Variants in GRIP1 observed in about 807,000 individuals in gnomAD.
The protein encoded by GRIP1 is glutamate receptor interacting protein 1.
GRIP1 carries 45 observed loss-of-function variants against 129.9 expected under a neutral mutation model. The ratio of observed to expected loss-of-function variants is 0.35; its 90% confidence interval spans 0.27 to 0.44. The LOEUF (loss-of-function observed/expected upper bound fraction) is 0.44. Among genes scored for constraint, GRIP1 ranks in the 20% least tolerant of loss-of-function variants. GRIP1 has a pLI of 1.00. For synonymous variants in GRIP1, 530 were observed against 520.8 expected (o/e 1.02, Z -0.24); for missense variants, 1,196 against 1,396.8 (o/e 0.86, Z 2.29).
In GRIP1 at chr12:66,377,823, C is replaced by T. The variant is rs117460774; in HGVS notation, c.2622-538G>A. Among the ~76,000 whole-genome samples the T allele has an allele frequency of 2.2e-4, 34 of 152,044 alleles. No homozygotes were observed. The East Asian group carries it at 5.4e-3, about 24-fold the overall frequency. Reference sequence around the variant, plus strand: ...AAAGGATGGTCCATGGTCTTACTACCGGATTTCAGACTATTTGTGGCTGCT... The same window carrying T: ...AAAGGATGGTCCATGGTCTTACTACTGGATTTCAGACTATTTGTGGCTGCT... On this transcript the variant is annotated intron_variant, in intron 20 of 24. Transcript: ENST00000359742.
At chr12:66,723,518 G>A (rs1238345529) in intron 1 of GRIP1, among the ~76,000 whole-genome samples, 1 of 151,416 alleles carries the variant, frequency 6.6e-6, no homozygotes, top group Non-Finnish European at 1.5e-5. Flanking sequence ...TCACTATGTT[G>A]GCCAGGTTGG....
intron 1 of GRIP1, among the ~76,000 whole-genome samples, chr12:66,718,090 C>T (rs1003800068): frequency 6.6e-6 from 1 of 152,076 alleles, no homozygotes; most frequent in South Asian, 2.1e-4. Context: ...CTTCAAATCC[C>T]CTAACTAGTC....
rs571045218 is a variant in GRIP1 at position 67,022,691 on chromosome 12, T to A, written c.58+46359A>T. Reference sequence around the variant, plus strand: ...CCTGCATTTCCCTAATGACTAATAATGTTGAGTATCTTTTTTTTATTTCAA... The same window carrying A: ...CCTGCATTTCCCTAATGACTAATAAAGTTGAGTATCTTTTTTTTATTTCAA... On this transcript the variant is annotated intron_variant, in intron 1 of 1. Coordinates refer to the GRIP1 transcript ENST00000643019. 6.6e-5 allele frequency among the ~76,000 whole-genome samples: 10 copies of A among 152,306 alleles called. No individual in the cohort carries two copies. In the South Asian group the frequency reaches 2.1e-3, roughly 32 times the overall value.
chr12:66,765,465 A>AGTGTTGCTCT (rs2037607226), intron 1 of GRIP1, among the ~76,000 whole-genome samples: 1 of 152,196 alleles, frequency 6.6e-6, no homozygotes, highest in Non-Finnish European at 1.5e-5. Flanking sequence ...TGAAACAGGA[A>AGTGTTGCTCT]ATGTCATAGT....
At chr12:66,831,751 G>A (rs527387093) in intron 1 of GRIP1, among the ~76,000 whole-genome samples, 1 of 152,046 alleles carries the variant, frequency 6.6e-6, no homozygotes, top group Non-Finnish European at 1.5e-5. Flanking sequence ...GACGAGCACG[G>A]TACAAAACCC....
chr12:66,578,232 G>GTT (rs547352236), intron 2 of GRIP1, among the ~76,000 whole-genome samples: 12 of 102,506 alleles, frequency 1.2e-4, no homozygotes, highest in African/African-American at 2.6e-4. Context: ...CAAAACCGCG[G>GTT]TTTTTTTTTT....
At chr12:66,881,636 A>AT (rs1327523944) in intron 1 of GRIP1, among the ~76,000 whole-genome samples, 2 of 152,094 alleles carry the variant, frequency 1.3e-5, no homozygotes, top group Non-Finnish European at 2.9e-5. Context: ...ACTCACAGAC[A>AT]TTATTACAAA....
intron 4 of GRIP1, among the ~76,000 whole-genome samples, chr12:66,533,482 T>C (rs2061512812): frequency 6.6e-6 from 1 of 151,974 alleles, no homozygotes. Flanking sequence ...CCATCTCTAC[T>C]ACAAATATAA....
chr12:66,498,402 G>A (rs778985043), intron 7 of GRIP1, among the ~76,000 whole-genome samples: 3 of 152,212 alleles, frequency 2.0e-5, no homozygotes, highest in Non-Finnish European at 4.4e-5. Context: ...TAAACGTTGT[G>A]TTAAAGCTGC....
intron 4 of GRIP1, among the ~76,000 whole-genome samples, chr12:66,533,168 AG>A (rs1426050028): frequency 6.6e-6 from 1 of 152,114 alleles, no homozygotes; most frequent in Non-Finnish European, 1.5e-5. Flanking sequence ...AAAAATTTGA[AG>A]GCACTGCTCT....
chr12:66,453,154 C>T (rs917425690), intron 11 of GRIP1, among the ~76,000 whole-genome samples: 4 of 152,282 alleles, frequency 2.6e-5, no homozygotes, highest in African/African-American at 4.8e-5. Context: ...TCAGTGACAG[C>T]GCTGCCTCAG....
chr12:66,705,845 C>T (rs1309798348), intron 1 of GRIP1, among the ~76,000 whole-genome samples: 1 of 152,114 alleles, frequency 6.6e-6, no homozygotes, highest in Non-Finnish European at 1.5e-5. Context: ...GGAAAACTGG[C>T]TAGCCATATG....
intron 16 of GRIP1, among the ~76,000 whole-genome samples, chr12:66,401,331 A>G (rs990057729): frequency 6.6e-6 from 1 of 151,968 alleles, no homozygotes; most frequent in Non-Finnish European, 1.5e-5. Flanking sequence ...AAATCCCAGC[A>G]CTTTGGGAGG....
At chr12:66,503,164 CAG>C (rs2060437597) in intron 7 of GRIP1, among the ~76,000 whole-genome samples, 1 of 152,114 alleles carries the variant, frequency 6.6e-6, no homozygotes. Flanking sequence ...ACTTCCCAAA[CAG>C]ATAAAAACAC....
At chr12:66,386,389 T>A (rs1202598913) in intron 19 of GRIP1, among the ~76,000 whole-genome samples, 3 of 152,164 alleles carry the variant, frequency 2.0e-5, no homozygotes, top group African/African-American at 7.2e-5. Context: ...ATCCCAGCAC[T>A]TTGGGAGGCC....
intron 1 of GRIP1, among the ~76,000 whole-genome samples, chr12:66,782,512 G>C (rs1361924736): frequency 6.6e-6 from 1 of 152,158 alleles, no homozygotes; most frequent in South Asian, 2.1e-4. Flanking sequence ...TAGAAACGGA[G>C]GGGGCTTTTT....
Position 66,455,502 on chromosome 12 carries a change from T to G in GRIP1, c.1261A>C (p.Asn421His). 1.2e-6 allele frequency: 2 copies of G among 1,612,418 alleles called. No homozygotes were observed. The highest frequency in any genetic ancestry group is 1.7e-6 in the Non-Finnish European group (2 of 1,178,408). Reference sequence around the variant, plus strand: ...AGGCTTCGAGGTAGAGTCCCCATGTTCAGGGAACTCAGGCTGTATGCACTC... The same window carrying G: ...AGGCTTCGAGGTAGAGTCCCCATGTGCAGGGAACTCAGGCTGTATGCACTC... ...SMSAYSLSSL[N>H]MGTLPRSLYS... The change falls in exon 11 of 25, where the codon AAC becomes CAC. Residue 421 changes from asparagine (N) to histidine (H), a missense_variant. Physicochemically the swap from Asn to His is moderately conservative, Grantham distance 68. This residue lies in a region of GRIP1 where 508 missense variants were observed against 587.0 expected (regional missense o/e 0.87). Coordinates refer to ENST00000359742, the MANE Select transcript of GRIP1 (RefSeq NM_001366722.1).
intron 16 of GRIP1, among the ~76,000 whole-genome samples, chr12:66,401,609 T>TATATATATATATATAA (rs1169241331): frequency 9.1e-6 from 1 of 110,176 alleles, no homozygotes. Context: ...TATATATATA[T>TATATATATATATATAA]ACACACACAC....
Position 66,747,742 on chromosome 12 carries a change from A to G in GRIP1, c.-420+56311T>C, listed in dbSNP as rs1312513457. Among the ~76,000 whole-genome samples, 3 of 151,970 alleles carry G rather than the reference A, an allele frequency of 2.0e-5. No individual in the cohort carries two copies. In the East Asian group the frequency reaches 5.8e-4, roughly 29 times the overall value. ...ACAAAATGGGTTTAATAATACCAAC[A>G]TTTTTTTCCCCCAGGGTTGTCTTGT... On this transcript the variant is annotated intron_variant, in intron 1 of 4. Transcript: ENST00000538373.
Sources: allele counts gnomAD v4.1 joint callset (sites outside exome capture counted in the v4.1 genomes callset), GRCh38; gene constraint gnomAD v4.1.1; regional missense constraint gnomAD v4.1.1; transcripts MANE v1.5; gene names NCBI Gene and HGNC (gene_info 2026-07-23, HGNC 2026-07-21).